CCDC171: variants seen among roughly 807,000 people sequenced by gnomAD.
CCDC171 encodes coiled-coil domain-containing protein 171.
Under a neutral mutation model 168.2 loss-of-function variants are expected in CCDC171, and 177 were observed. That is an observed-to-expected ratio of 1.05 (90% confidence interval 0.93 to 1.19). CCDC171 has a LOEUF of 1.19. Ranked by LOEUF, CCDC171 falls within the 50% of genes most tolerant of loss-of-function variation. The probability of loss-of-function intolerance (pLI) is 0.00; values close to 1 mark genes in which losing one functional copy is unlikely to be tolerated. For synonymous variants in CCDC171, 687 were observed against 540.8 expected, an observed-to-expected ratio of 1.27 and a Z score of -3.75; for missense variants, 1,991 against 1,539.0, an observed-to-expected ratio of 1.29 and a Z score of -4.91.
In CCDC171 at chr9:15,984,034, T is replaced by C. The variant is rs1462128637; in HGVS notation, n.369-36555T>C. Among the ~76,000 whole-genome samples, 2 of 69,642 alleles carry C rather than the reference T, an allele frequency of 2.9e-5. 1 individual carries two copies. The highest frequency in any genetic ancestry group is 6.1e-5 in the Non-Finnish European group (2 of 32,744). 45.7% of individuals were successfully genotyped at this position (69,642 alleles called of 152,430 possible). A position where few individuals can be genotyped will look rare whatever the true frequency, so the allele number is the denominator to read the frequency against. ...TAGAGACCAGGAGCATCTGTAGTCC[T>C]CTGTATCAGAATAGACTACAGTATA... On this transcript the variant is annotated intron_variant and non_coding_transcript_variant, in intron 3 of 9. Coordinates refer to the CCDC171 transcript ENST00000486641.
chr9:15,900,465 G>A (rs1821477877), intron 24 of CCDC171, among the ~76,000 whole-genome samples: 1 of 152,148 alleles, frequency 6.6e-6, no homozygotes, highest in Non-Finnish European at 1.5e-5. Context: ...TGCTTCTCAG[G>A]TGAGATCACA....
chr9:15,809,628 T>C (rs937967258), intron 21 of CCDC171, among the ~76,000 whole-genome samples: 4 of 149,220 alleles, frequency 2.7e-5, no homozygotes, highest in African/African-American at 7.8e-5. Context: ...TCATTCTTCC[T>C]GTCCGGAGTT....
chr9:15,679,157 GT>G (rs960389363), intron 10 of CCDC171, among the ~76,000 whole-genome samples: 40 of 148,452 alleles, frequency 2.7e-4, no homozygotes, highest in South Asian at 4.3e-4. Context: ...GTATTCAAAT[GT>G]TTTTTTTTTA....
intron 7 of CCDC171, among the ~76,000 whole-genome samples, chr9:15,643,757 C>T (rs879279318): frequency 3.3e-5 from 5 of 152,214 alleles, no homozygotes; most frequent in African/African-American, 4.8e-5. Context: ...CTCCTGCAAC[C>T]ACTTAATATA....
intron 6 of CCDC171, among the ~76,000 whole-genome samples, chr9:16,023,212 CAT>C (rs1833209661): frequency 6.6e-6 from 1 of 151,984 alleles, no homozygotes; most frequent in Admixed American, 6.6e-5. Flanking sequence ...TGCTTATTAA[CAT>C]ATTACAGTTC....
In CCDC171 at chr9:15,939,938, C is replaced by T. The variant is rs571431748; in HGVS notation, c.3753+19516C>T. On this transcript the variant is annotated intron_variant, in intron 25 of 25. Coordinates refer to ENST00000380701, the MANE Select transcript of CCDC171 (RefSeq NM_173550.4). ...GGGATGGATAATTTCATGATAACTT[C>T]TACACTTTGTAAAATTATTTTATTT... Among the ~76,000 whole-genome samples the T allele has an allele frequency of 7.2e-5, 11 of 151,918 alleles. No homozygotes were observed. The East Asian group carries it at 1.9e-3, about 27-fold the overall frequency.
chr9:15,713,091 C>G (rs540170814), intron 11 of CCDC171, among the ~76,000 whole-genome samples: 82 of 152,286 alleles, frequency 5.4e-4, no homozygotes, highest in African/African-American at 1.9e-3. Context: ...TTCAGCCAAA[C>G]AGTTAGACAC....
intron 16 of CCDC171, among the ~76,000 whole-genome samples, chr9:15,738,666 ACAAT>A (rs2054648669): frequency 6.6e-6 from 1 of 151,980 alleles, no homozygotes; most frequent in South Asian, 2.1e-4. Context: ...TTCCACCCTT[ACAAT>A]CAAACAGGCT....
chr9:15,910,686 T>A (rs1019949610), intron 24 of CCDC171, among the ~76,000 whole-genome samples: 1 of 152,130 alleles, frequency 6.6e-6, no homozygotes, highest in Admixed American at 6.5e-5. Context: ...CCTAATGCTA[T>A]CCCTCCCCTA....
At chr9:15,929,305 G>T (rs559438291) in intron 25 of CCDC171, among the ~76,000 whole-genome samples, 3 of 151,656 alleles carry the variant, frequency 2.0e-5, no homozygotes, top group Non-Finnish European at 4.4e-5. Context: ...ATATGCTTCT[G>T]AGTGTCTCCC....
intron 24 of CCDC171, among the ~76,000 whole-genome samples, chr9:15,888,735 G>C (rs1328184346): frequency 2.6e-5 from 4 of 151,920 alleles, no homozygotes; most frequent in Non-Finnish European, 5.9e-5. Flanking sequence ...TATAACACAG[G>C]AGTTATTTTT....
At chr9:15,641,021 TATC>T (rs981717688) in intron 7 of CCDC171, among the ~76,000 whole-genome samples, 6 of 152,062 alleles carry the variant, frequency 3.9e-5, no homozygotes, top group Non-Finnish European at 7.4e-5. Flanking sequence ...AAAATACACT[TATC>T]ATTAAAATAA....
intron 4 of CCDC171, 114 bp from the exon 5 acceptor site, chr9:15,591,252 A>ATGTT: frequency 3.2e-6 from 2 of 632,454 alleles, no homozygotes; most frequent in Non-Finnish European, 5.5e-6. Flanking sequence ...GAAAGGTTAA[A>ATGTT]TGTTTTATCC....
intron 25 of CCDC171, among the ~76,000 whole-genome samples, chr9:15,968,273 C>G (rs1830998400): frequency 6.6e-6 from 1 of 152,090 alleles, no homozygotes; most frequent in Admixed American, 6.6e-5. Flanking sequence ...GACAGAACAC[C>G]TCAGCAGTTT....
intron 3 of CCDC171, among the ~76,000 whole-genome samples, chr9:15,987,073 T>C (rs1013233876): frequency 1.8e-5 from 2 of 110,424 alleles, no homozygotes; most frequent in Admixed American, 1.6e-4. Context: ...AATATTGGCA[T>C]AGAGAAGGCA....
intron 7 of CCDC171, among the ~76,000 whole-genome samples, chr9:15,651,684 A>C (rs997446140): frequency 4.0e-5 from 6 of 151,238 alleles, no homozygotes; most frequent in Admixed American, 3.9e-4. Flanking sequence ...ACAGCATTTC[A>C]CTCTTTTTTT....
At chr9:15,582,809 C>T (rs2041239138) in intron 4 of CCDC171, among the ~76,000 whole-genome samples, 1 of 151,720 alleles carries the variant, frequency 6.6e-6, no homozygotes, top group African/African-American at 2.4e-5. Flanking sequence ...GGAGGGATAG[C>T]ATCAGGAGAA....
At chr9:16,080,728 C>G in the CCDC171 span, among the ~76,000 whole-genome samples, 3 of 152,160 alleles carry the variant, frequency 2.0e-5, no homozygotes, top group Admixed American at 1.3e-4. Flanking sequence ...CTTTATACAT[C>G]TTTGTCTCTG....
chr9:15,584,596 T>C (rs550982792), intron 4 of CCDC171, among the ~76,000 whole-genome samples: 1 of 152,270 alleles, frequency 6.6e-6, no homozygotes, highest in East Asian at 1.9e-4. Flanking sequence ...ATGACCTACT[T>C]TCAGAGGTAG....
Sources: gnomAD v4.1 joint callset for allele counts (sites outside exome capture counted in the v4.1 genomes callset) on GRCh38, gnomAD v4.1.1 for gene constraint, MANE v1.5 for transcripts, NCBI Gene and HGNC (gene_info 2026-07-23, HGNC 2026-07-21) for gene names.